Variants in ESYT2 observed in about 807,000 individuals in gnomAD.
ESYT2 encodes the protein extended synaptotagmin-2.
In ESYT2, 54 loss-of-function variants were observed where a neutral mutation model predicts 107.2. The observed-to-expected ratio is 0.50, with a 90% CI of 0.40 to 0.63. The LOEUF (loss-of-function observed/expected upper bound fraction) is 0.63, where lower values mean the gene tolerates loss of function less well. ESYT2 is among the 30% of genes least tolerant of loss of function. The pLI is 0.00. For synonymous variants in ESYT2, 491 were observed against 434.1 expected (o/e 1.13, Z -1.63); for missense variants, 1,020 against 1,094.5 (o/e 0.93, Z 0.96).
chr7:158,819,333 C>T (rs563570053), intron 1 of ESYT2, among the ~76,000 whole-genome samples: 5 of 151,980 alleles, frequency 3.3e-5, no homozygotes, highest in South Asian at 4.2e-4. Flanking sequence ...CAAGTAAATA[C>T]GTTTTCATAA....
chr7:158,826,212 T>A (rs890965302), intron 1 of ESYT2, among the ~76,000 whole-genome samples: 1 of 152,204 alleles, frequency 6.6e-6, no homozygotes, highest in Non-Finnish European at 1.5e-5. Context: ...TATATTACAC[T>A]TTTAATAAAT....
chr7:158,805,258 T>A (rs914777171), intron 1 of ESYT2, among the ~76,000 whole-genome samples: 3 of 152,190 alleles, frequency 2.0e-5, no homozygotes, highest in Non-Finnish European at 2.9e-5. Context: ...GATCCTCAAA[T>A]CCTATCTGCC....
chr7:158,774,179 C>G (rs557517964), intron 6 of ESYT2, among the ~76,000 whole-genome samples: 1 of 152,326 alleles, frequency 6.6e-6, no homozygotes, highest in Admixed American at 6.5e-5. Context: ...TGATCTCAAT[C>G]ACCCATATAG....
At chr7:158,812,120 G>A (rs527334119) in intron 1 of ESYT2, among the ~76,000 whole-genome samples, 4 of 152,264 alleles carry the variant, frequency 2.6e-5, no homozygotes, top group African/African-American at 7.2e-5. Flanking sequence ...GCCACAGGCC[G>A]GCTCAGACCC....
At chr7:158,752,702 C>G (rs1298349151) in intron 14 of ESYT2, 79 bp downstream of exon 14, 3 of 1,003,546 alleles carry the variant, frequency 3.0e-6, no homozygotes, top group Non-Finnish European at 1.4e-6. Flanking sequence ...GGTAATTTGC[C>G]AATAAACTTA....
chr7:158,759,326 A>G (rs1396637259), intron 13 of ESYT2, among the ~76,000 whole-genome samples, 160 bp downstream of exon 13: 1 of 152,236 alleles, frequency 6.6e-6, no homozygotes, highest in East Asian at 1.9e-4. Flanking sequence ...GCAAACACTA[A>G]CTTCTCCCTC....
chr7:158,828,530 G>A (rs1410910527), intron 1 of ESYT2, among the ~76,000 whole-genome samples: 1 of 152,238 alleles, frequency 6.6e-6, no homozygotes, highest in Non-Finnish European at 1.5e-5. Flanking sequence ...GAGGGAAGCG[G>A]GCTTTGTGAA....
intron 7 of ESYT2, among the ~76,000 whole-genome samples, chr7:158,770,294 C>G (rs1202930947): frequency 6.9e-6 from 1 of 145,332 alleles, no homozygotes; most frequent in Non-Finnish European, 1.5e-5. Flanking sequence ...ACGTACATAT[C>G]TATTAAATTT....
intron 9 of ESYT2, among the ~76,000 whole-genome samples, chr7:158,764,062 C>T (rs2129472217): frequency 6.6e-6 from 1 of 152,272 alleles, no homozygotes; most frequent in Middle Eastern, 3.4e-3. Context: ...GGTAATTCTA[C>T]AAAGATATTT....
chr7:158,792,799 C>T (rs1342455435), intron 4 of ESYT2, among the ~76,000 whole-genome samples: 4 of 128,064 alleles, frequency 3.1e-5, no homozygotes, highest in African/African-American at 1.2e-4. Context: ...GATGGAGTCT[C>T]GCTCTGTCCC....
At chr7:158,748,928 T>C (rs1228546092) in intron 15 of ESYT2, among the ~76,000 whole-genome samples, 1 of 151,534 alleles carries the variant, frequency 6.6e-6, no homozygotes, top group Non-Finnish European at 1.5e-5. Context: ...ATTACAGCAA[T>C]ATGTAATAGC....
At chr7:158,739,534 G>T (rs1837113162) in intron 18 of ESYT2, among the ~76,000 whole-genome samples, 1 of 152,120 alleles carries the variant, frequency 6.6e-6, no homozygotes, top group Non-Finnish European at 1.5e-5. Context: ...TTTTAGTAGA[G>T]ATGGGGTTTC....
intron 1 of ESYT2, among the ~76,000 whole-genome samples, chr7:158,804,950 C>T (rs1839782020): frequency 6.6e-6 from 1 of 152,184 alleles, no homozygotes; most frequent in Non-Finnish European, 1.5e-5. Context: ...TCAGAGCCAC[C>T]TCTTCATATT....
At chr7:158,810,472 G>A (rs1839962725) in intron 1 of ESYT2, among the ~76,000 whole-genome samples, 1 of 152,130 alleles carries the variant, frequency 6.6e-6, no homozygotes, top group African/African-American at 2.4e-5. Context: ...GATCACTTGA[G>A]CCCAGAAGTT....
At chr7:158,786,968 T>G (rs934056562) in intron 6 of ESYT2, among the ~76,000 whole-genome samples, 1 of 151,720 alleles carries the variant, frequency 6.6e-6, no homozygotes, top group African/African-American at 2.4e-5. Context: ...ACAAAAGGGG[T>G]GAAGAAAGCC....
chr7:158,800,124 C>T (rs1184006348), intron 1 of ESYT2, among the ~76,000 whole-genome samples: 1 of 150,798 alleles, frequency 6.6e-6, no homozygotes, highest in Admixed American at 6.6e-5. Context: ...TCTCGGCTCA[C>T]TGCAACCTCC....
chr7:158,812,175 G>A (rs941537811), intron 1 of ESYT2, among the ~76,000 whole-genome samples: 13 of 152,176 alleles, frequency 8.5e-5, no homozygotes, highest in Non-Finnish European at 1.5e-4. Flanking sequence ...TCCAGAGGAC[G>A]GGGGAGCCCC....
chr7:158,829,032 CGAGGGGAGATCGGGACTGGTG>C, intron 1 of ESYT2, 36 bp downstream of exon 1: 1 of 1,548,294 alleles, frequency 6.5e-7, no homozygotes, highest in Non-Finnish European at 8.6e-7. Context: ...CCTGCCTGGA[CGAGGGGAGATCGGGACTGGTG>C]GTCAGGGGTC....
intron 8 of ESYT2, among the ~76,000 whole-genome samples, chr7:158,767,376 T>G (rs995308067): frequency 6.6e-6 from 1 of 152,240 alleles, no homozygotes; most frequent in Admixed American, 6.5e-5. Flanking sequence ...GTCCGTGCCA[T>G]GTACCCCTGC....
Sources: gnomAD v4.1 joint callset for allele counts (sites outside exome capture counted in the v4.1 genomes callset) on GRCh38, gnomAD v4.1.1 for gene constraint, MANE v1.5 for transcripts, NCBI Gene and HGNC (gene_info 2026-07-23, HGNC 2026-07-21) for gene names.